The following NEBL variants were observed in gnomAD, a reference collection of about 807,000 sequenced individuals.
NEBL encodes the protein LIM and SH3 protein 2.
In NEBL, 122 loss-of-function variants were observed where a neutral mutation model predicts 140.2. The observed-to-expected ratio is 0.87, with a 90% confidence interval of 0.75 to 1.01. NEBL has a LOEUF of 1.01. Ranked by LOEUF, NEBL falls within the 50% of genes least tolerant of loss-of-function variation. The pLI is 0.00. For synonymous variants in NEBL, 436 were observed against 398.9 expected (o/e 1.09, Z -1.11); for missense variants, 1,365 against 1,231.3 (o/e 1.11, Z -1.62).
intron 2 of NEBL, among the ~76,000 whole-genome samples, chr10:21,120,974 A>C (rs894929023): frequency 6.6e-6 from 1 of 152,164 alleles, no homozygotes; most frequent in African/African-American, 2.4e-5. Flanking sequence ...ATCTAAAGGA[A>C]CTACATTTTC....
chr10:21,121,839 T>C (rs376800198), intron 2 of NEBL, among the ~76,000 whole-genome samples: 13 of 152,228 alleles, frequency 8.5e-5, no homozygotes, highest in Admixed American at 7.2e-4. Flanking sequence ...AATGAAGTGA[T>C]AGAAAATGCA....
chr10:20,952,076 T>TA (rs374884126), intron 4 of NEBL, among the ~76,000 whole-genome samples: 15 of 152,294 alleles, frequency 9.8e-5, no homozygotes, highest in African/African-American at 3.6e-4. Context: ...CACTACACTC[T>TA]AAAGTATCTG....
At chr10:21,040,150 G>A (rs867721566) in intron 2 of NEBL, among the ~76,000 whole-genome samples, 9 of 152,162 alleles carry the variant, frequency 5.9e-5, no homozygotes, top group South Asian at 2.1e-4. Context: ...GGTGGATCAC[G>A]AGGTCAGGAG....
At chr10:20,897,585 T>G (rs955354306), upstream of NEBL, 1 of 1,035,510 alleles carries the variant, frequency 9.7e-7, no homozygotes, top group Non-Finnish European at 1.2e-6. Context: ...GGAAAACTAC[T>G]CAGCTCTAAC....
At chr10:20,793,981 ATTCCCTCT>A (rs1172676784) in intron 26 of NEBL, among the ~76,000 whole-genome samples, 2 of 152,204 alleles carry the variant, frequency 1.3e-5, no homozygotes, top group African/African-American at 4.8e-5. Context: ...TATTTCCCCA[ATTCCCTCT>A]TTTCCCCCAG....
rs971247296 is a variant in NEBL, at chr10:21,019,243, C to G, written c.249+874G>C. On this transcript the variant is annotated intron_variant, in intron 3 of 6. Coordinates refer to the NEBL transcript ENST00000417816. ...ACCTAACTACCTCATTTAATACTTACAGACACCCTCAAGACAGGTAGACAA... is the reference window on the plus strand; with the variant it reads ...ACCTAACTACCTCATTTAATACTTAGAGACACCCTCAAGACAGGTAGACAA... 9.2e-5 allele frequency among the ~76,000 whole-genome samples: 14 copies of G among 152,252 alleles called. 1 individual carries two copies. Among genetic ancestry groups the G allele is most frequent in the Admixed American group, 8.5e-4 (13 of 15,290 alleles).
chr10:20,922,453 C>CA (rs376098924), intron 4 of NEBL, among the ~76,000 whole-genome samples: 1 of 152,284 alleles, frequency 6.6e-6, no homozygotes, highest in East Asian at 1.9e-4. Flanking sequence ...CCTCCTATAC[C>CA]AAAAAGCAAA....
At chr10:21,233,684 CTAGATATAGA>C (rs1564547027) in intron 3 of NEBL, among the ~76,000 whole-genome samples, 1 of 139,328 alleles carries the variant, frequency 7.2e-6, no homozygotes, top group East Asian at 2.1e-4. Flanking sequence ...ATATGTATAT[CTAGATATAGA>C]GACATATTTA....
chr10:21,238,402 A>G (rs1342912256), intron 3 of NEBL, among the ~76,000 whole-genome samples: 1 of 152,164 alleles, frequency 6.6e-6, no homozygotes, highest in Non-Finnish European at 1.5e-5. Flanking sequence ...TTTTTCCTTT[A>G]AAGTTAAGAA....
intron 2 of NEBL, among the ~76,000 whole-genome samples, chr10:21,139,889 GCCTGTAATC>G (rs1443095455): frequency 6.6e-6 from 1 of 151,124 alleles, no homozygotes; most frequent in Non-Finnish European, 1.5e-5. Context: ...GGTGGCTCAC[GCCTGTAATC>G]CCAGCACTTT....
chr10:21,016,687 C>T (rs930141109), intron 3 of NEBL, among the ~76,000 whole-genome samples: 1 of 152,132 alleles, frequency 6.6e-6, no homozygotes, highest in Admixed American at 6.5e-5. Context: ...ATGATCAAAA[C>T]AAGCCTATAA....
rs979564424 is a variant in NEBL at position 21,029,501 on chromosome 10, T to C, written c.165-9300A>G. On this transcript the variant is annotated intron_variant, in intron 2 of 6. Coordinates refer to the NEBL transcript ENST00000417816. ...TCTCTAGGTAACAGGAGAATTCGAG[T>C]GGACGTTGCTGATCAAGCACAGGAT... is the stretch of plus-strand genomic sequence containing the variant. 8.1e-6 allele frequency: 13 copies of C among 1,610,812 alleles called. No homozygotes were observed. In the African/African-American group the frequency reaches 1.7e-4, roughly 22 times the overall value.
At position 21,066,971 on chromosome 10, in the gene NEBL, C is replaced by CTTTTTTTT. The variant is rs56352671; in HGVS notation, c.165-46778_165-46771dup. The stretch of plus-strand genomic sequence containing the variant: ...ACCTTTGTTTCCTGAAATAATTTAA[C>CTTTTTTTT]TTTTTTTTTTTTTTTTTTTGAGACA... On this transcript the variant is annotated intron_variant, in intron 2 of 6. Transcript: ENST00000417816. Among the ~76,000 whole-genome samples the CTTTTTTTT allele has an allele frequency of 4.5e-4, 51 of 112,798 alleles. 3 individuals are homozygous for CTTTTTTTT. The highest frequency in any genetic ancestry group is 5.5e-4 in the Non-Finnish European group (32 of 57,696). The allele number at this position is 112,798 out of a possible 152,430, so 74.0% of individuals were successfully genotyped here. A position where few individuals can be genotyped will look rare whatever the true frequency, so the allele number is the denominator to read the frequency against.
chr10:21,054,192 A>G (rs1443936899), intron 2 of NEBL, among the ~76,000 whole-genome samples: 2 of 152,232 alleles, frequency 1.3e-5, no homozygotes, highest in African/African-American at 4.8e-5. Context: ...ATGAACTAGA[A>G]ACAGTAGAAA....
At position 21,270,941 on chromosome 10, in the gene NEBL, G is replaced by A. The variant is rs114707684; in HGVS notation, n.183-19113C>T. On this transcript the variant is annotated intron_variant and non_coding_transcript_variant, in intron 1 of 8. Transcript: ENST00000675702. ...GTTGGTGAGACTGTAAATTGGTACA[G>A]CCATTATGGAAAACAGTATGTCAGT... Among the ~76,000 whole-genome samples the A allele has an allele frequency of 5.0e-3, 765 of 152,286 alleles. 8 individuals are homozygous for A. The highest frequency in any genetic ancestry group is 0.017 in the African/African-American group (722 of 41,562).
At chr10:21,172,181 A>G (rs565153006) in intron 2 of NEBL, 109 of 600,948 alleles carry the variant, frequency 1.8e-4, no homozygotes, top group South Asian at 1.5e-3. Flanking sequence ...AGATGCATAG[A>G]CGTTACCCAA....
intron 2 of NEBL, among the ~76,000 whole-genome samples, chr10:21,150,206 TC>T (rs1840083526): frequency 6.6e-6 from 1 of 152,226 alleles, no homozygotes; most frequent in Admixed American, 6.5e-5. Flanking sequence ...AAAATATTTT[TC>T]TCTACTTCCA....
intron 3 of NEBL, among the ~76,000 whole-genome samples, chr10:21,012,121 G>C (rs1419828715): frequency 6.6e-6 from 1 of 152,102 alleles, no homozygotes; most frequent in South Asian, 2.1e-4. Flanking sequence ...AGCAGAGAGA[G>C]AGGAGGTCAT....
intron 3 of NEBL, among the ~76,000 whole-genome samples, chr10:21,188,347 A>G (rs1381451937): frequency 6.6e-6 from 1 of 152,220 alleles, no homozygotes. Flanking sequence ...AGCTCATATG[A>G]GATCTGGAAC....
Sources: allele counts gnomAD v4.1 joint callset (sites outside exome capture counted in the v4.1 genomes callset), GRCh38; gene constraint gnomAD v4.1.1; transcripts MANE v1.5; gene names NCBI Gene and HGNC (gene_info 2026-07-23, HGNC 2026-07-21).